RAB7A: variants seen among roughly 807,000 people sequenced by gnomAD.
RAB7A encodes the protein ras-related protein Rab-7a.
A neutral mutation model predicts 24.5 loss-of-function variants in RAB7A; 2 were observed. That is an observed-to-expected ratio of 0.08 (90% CI 0.03 to 0.26). The LOEUF is 0.26. RAB7A is among the 10% of genes least tolerant of loss of function. RAB7A has a pLI of 1.00. For missense variants in RAB7A, 118 were observed against 255.7 expected, an observed-to-expected ratio of 0.46 and a Z score of 3.67; for synonymous variants, 100 against 95.9, an observed-to-expected ratio of 1.04 and a Z score of -0.25.
chr3:128,814,786 C>G lies in RAB7A; in HGVS notation c.*1364C>G, dbSNP rs1269445816. ...TGAACGCAATGCCAATAAAATTGAA[C>G]AAGAACAATGATCATCTGCCTTTGC... On this transcript the variant is annotated 3_prime_UTR_variant, in exon 6 of 6. Transcript: ENST00000265062. 1 of 152,616 alleles carries G rather than the reference C, an allele frequency of 6.6e-6. No homozygotes were observed. The highest frequency in any genetic ancestry group is 6.5e-5 in the Admixed American group (1 of 15,276). 9.5% of individuals were successfully genotyped at this position (152,616 alleles called of 1,614,324 possible).
At chr3:128,771,551 C>T (rs1576287387) in intron 1 of RAB7A, among the ~76,000 whole-genome samples, 1 of 152,200 alleles carries the variant, frequency 6.6e-6, no homozygotes, top group African/African-American at 2.4e-5. Flanking sequence ...TCTCTGGCAT[C>T]TTACCATCTT....
rs369556507 is a variant in RAB7A at position 128,766,396 on chromosome 3, G to A, written c.-8-28964G>A. On this transcript the variant is annotated intron_variant, in intron 1 of 5. Coordinates refer to ENST00000265062, the MANE Select transcript of RAB7A (RefSeq NM_004637.6). ...GAAGTCCTGGGTAACCACCGTCATG[G>A]GAAACAGAAGACAGGTCTTTCACTA... Among the ~76,000 whole-genome samples the A allele has an allele frequency of 1.1e-4, 16 of 152,262 alleles. 1 individual carries two copies. The highest frequency in any genetic ancestry group is 3.3e-4 in the Admixed American group (5 of 15,302).
intron 1 of RAB7A, among the ~76,000 whole-genome samples, chr3:128,762,939 T>A (rs942617624): frequency 6.6e-5 from 10 of 152,132 alleles, no homozygotes; most frequent in African/African-American, 2.2e-4. Context: ...GTTGAGCTAC[T>A]ACAAAGTAAA....
At chr3:128,751,347 A>G (rs2070679263) in intron 1 of RAB7A, among the ~76,000 whole-genome samples, 1 of 152,186 alleles carries the variant, frequency 6.6e-6, no homozygotes, top group Non-Finnish European at 1.5e-5. Context: ...GGGAGGCTGT[A>G]CCCTGCAAAG....
intron 4 of RAB7A, 123 bp downstream of exon 4, chr3:128,806,713 A>G: frequency 2.9e-6 from 3 of 1,018,960 alleles, no homozygotes; most frequent in South Asian, 1.4e-5. Context: ...CTTCATTACC[A>G]TATGCCAGCC....
intron 2 of RAB7A, among the ~76,000 whole-genome samples, chr3:128,795,771 A>T (rs1229358028): frequency 4.9e-4 from 1 of 2,056 alleles, no homozygotes. Context: ...TTTTTTTTGG[A>T]GACAGAGTCT....
chr3:128,771,449 A>G (rs1158337585), intron 1 of RAB7A, among the ~76,000 whole-genome samples: 2 of 152,234 alleles, frequency 1.3e-5, no homozygotes, highest in Non-Finnish European at 2.9e-5. Flanking sequence ...TTTTGTCAGT[A>G]ACCAGCATTG....
At chr3:128,784,292 G>T (rs1933284960) in intron 1 of RAB7A, among the ~76,000 whole-genome samples, 1 of 152,168 alleles carries the variant, frequency 6.6e-6, no homozygotes, top group Non-Finnish European at 1.5e-5. Flanking sequence ...GGTCCCATGA[G>T]ACATAAACAC....
intron 1 of RAB7A, among the ~76,000 whole-genome samples, chr3:128,756,153 T>C (rs1186992891): frequency 6.6e-6 from 1 of 152,072 alleles, no homozygotes; most frequent in Non-Finnish European, 1.5e-5. Flanking sequence ...CTGACCAACA[T>C]GGTGAAACCC....
chr3:128,745,311 G>A (rs1162246974), intron 1 of RAB7A, among the ~76,000 whole-genome samples: 2 of 152,102 alleles, frequency 1.3e-5, no homozygotes. Context: ...CCATCTTTCT[G>A]GAGTTTCAGT....
At chr3:128,763,208 A>ATATATATATATATATTTT (rs373993932) in intron 1 of RAB7A, among the ~76,000 whole-genome samples, 5 of 76,056 alleles carry the variant, frequency 6.6e-5, no homozygotes, top group African/African-American at 4.1e-4. Flanking sequence ...ATATATATAT[A>ATATATATATATATATTTT]TTTTTTTTTT....
At chr3:128,746,855 C>T (rs1256415638) in intron 1 of RAB7A, among the ~76,000 whole-genome samples, 1 of 151,548 alleles carries the variant, frequency 6.6e-6, no homozygotes, top group Non-Finnish European at 1.5e-5. Flanking sequence ...AGATTCAACA[C>T]ATTGGTGATA....
intron 2 of RAB7A, among the ~76,000 whole-genome samples, chr3:128,797,636 A>C (rs958106881): frequency 2.0e-5 from 3 of 152,236 alleles, no homozygotes; most frequent in Non-Finnish European, 4.4e-5. Context: ...AGAAAGCAGT[A>C]TATTTGCTGG....
chr3:128,736,009 A>G (rs1227436571), intron 1 of RAB7A, among the ~76,000 whole-genome samples: 1 of 152,198 alleles, frequency 6.6e-6, no homozygotes, highest in Non-Finnish European at 1.5e-5. Flanking sequence ...GCCTTCCAAG[A>G]CACTCTTCTT....
intron 3 of RAB7A, 97 bp downstream of exon 3, chr3:128,798,166 A>C (rs908185114): frequency 1.0e-5 from 15 of 1,456,206 alleles, no homozygotes; most frequent in African/African-American, 2.8e-5. Flanking sequence ...TGTTCTTCAA[A>C]TCTTATTATC....
At chr3:128,788,080 G>A (rs537762093) in intron 1 of RAB7A, among the ~76,000 whole-genome samples, 39 of 152,324 alleles carry the variant, frequency 2.6e-4, no homozygotes, top group African/African-American at 8.7e-4. Context: ...CCCAGGAAGT[G>A]AATCATCGCT....
At chr3:128,752,943 G>A (rs974671217) in intron 1 of RAB7A, among the ~76,000 whole-genome samples, 2 of 151,962 alleles carry the variant, frequency 1.3e-5, no homozygotes, top group African/African-American at 4.8e-5. Flanking sequence ...TGAATGTTTG[G>A]TCTCAAAATG....
chr3:128,773,234 G>T (rs533577625), intron 1 of RAB7A, among the ~76,000 whole-genome samples: 1 of 149,028 alleles, frequency 6.7e-6, no homozygotes, highest in East Asian at 2.1e-4. Context: ...GAGCCCCTCC[G>T]CCCGGCAGCC....
chr3:128,754,796 G>C (rs1045315671), intron 1 of RAB7A, among the ~76,000 whole-genome samples: 1 of 152,058 alleles, frequency 6.6e-6, no homozygotes, highest in African/African-American at 2.4e-5. Context: ...AAAAGTTTAC[G>C]AGACAAAGCA....
Sources: gnomAD v4.1 joint callset for allele counts (sites outside exome capture counted in the v4.1 genomes callset) on GRCh38, gnomAD v4.1.1 for gene constraint, MANE v1.5 for transcripts, NCBI Gene and HGNC (gene_info 2026-07-23, HGNC 2026-07-21) for gene names.